TANC2: variants seen among roughly 807,000 people sequenced by gnomAD.
TANC2 encodes tetratricopeptide repeat, ankyrin repeat and coiled-coil containing 2, also known as protein TANC2.
Under a neutral mutation model 210.5 loss-of-function variants are expected in TANC2, and 26 were observed. The ratio of observed to expected loss-of-function variants is 0.12; its 90% confidence interval spans 0.09 to 0.17. The LOEUF is 0.17. TANC2 is among the 10% of genes least tolerant of loss of function. The pLI is 1.00. For synonymous variants in TANC2, 931 were observed against 967.1 expected, an observed-to-expected ratio of 0.96 and a Z score of 0.69; for missense variants, 2,129 against 2,608.9, an observed-to-expected ratio of 0.82 and a Z score of 4.01.
chr17:63,172,700 A>G (rs898883780), intron 5 of TANC2, among the ~76,000 whole-genome samples: 5 of 152,196 alleles, frequency 3.3e-5, no homozygotes, highest in Non-Finnish European at 1.5e-5. Flanking sequence ...GAGTGAAATG[A>G]ACCTAAGAAC....
rs542744552 is a variant in TANC2, at chr17:63,336,207, A to G, written c.1576-3894A>G. Among the ~76,000 whole-genome samples, 40 of 152,380 alleles carry G rather than the reference A, an allele frequency of 2.6e-4. 1 individual carries two copies. Among genetic ancestry groups the G allele is most frequent in the Non-Finnish European group, 1.0e-4 (7 of 68,038 alleles). ...AATCAATCGGGTGGTAGTGAGGAAG[A>G]AGACATTCACAGAAGGAGTAATGAA... On this transcript the variant is annotated intron_variant, in intron 11 of 27. Coordinates refer to ENST00000689528, the Ensembl canonical transcript of TANC2.
In TANC2 at chr17:63,019,568, T is replaced by A. The variant is rs562124417; in HGVS notation, c.67+9942T>A. ...ATAGAGGTATCTCATTGTAGTTTTT[T>A]AAAATAATTTTTATTTATTTGTATA... is the stretch of plus-strand genomic sequence containing the variant. On this transcript the variant is annotated intron_variant, in intron 2 of 27. Coordinates refer to ENST00000689528, the Ensembl canonical transcript of TANC2. Among the ~76,000 whole-genome samples, 3 of 152,278 alleles carry A rather than the reference T, an allele frequency of 2.0e-5. No homozygotes were observed. In the South Asian group the frequency reaches 6.2e-4, roughly 32 times the overall value.
At chr17:63,347,925 T>C (rs2046468002) in intron 12 of TANC2, among the ~76,000 whole-genome samples, 1 of 152,112 alleles carries the variant, frequency 6.6e-6, no homozygotes, top group South Asian at 2.1e-4. Context: ...ACCATCATAC[T>C]TGGCTAATTT....
At chr17:63,422,022 C>T (rs1486552715) in exon 28 of TANC2, 106 of 1,513,234 alleles carry the variant, frequency 7.0e-5, no homozygotes, top group Non-Finnish European at 8.7e-5. Flanking sequence ...TTTCCACATT[C>T]GAGGTAGTTC....
intron 4 of TANC2, among the ~76,000 whole-genome samples, chr17:63,100,065 A>G (rs1377749917): frequency 6.6e-6 from 1 of 152,190 alleles, no homozygotes; most frequent in African/African-American, 2.4e-5. Flanking sequence ...TTCTTCTAGC[A>G]TTATCAATAT....
At chr17:63,144,480 A>G (rs1385074598) in intron 4 of TANC2, among the ~76,000 whole-genome samples, 1 of 152,180 alleles carries the variant, frequency 6.6e-6, no homozygotes, top group African/African-American at 2.4e-5. Context: ...TACATATACT[A>G]TATCTCTAGC....
rs1197428071 is a variant in TANC2 at position 63,107,374 on chromosome 17, C to CAATATTT, written c.322+8018_322+8019insATATTTA. Reference sequence around the variant, plus strand: ...TAGTATTATTTGCAATAATATTAAACACAAATAAAAAAGTTTTATTTGATA... The same window carrying CAATATTT: ...TAGTATTATTTGCAATAATATTAAACAATATTTACAAATAAAAAAGTTTTATTTGATA... On this transcript the variant is annotated intron_variant, in intron 4 of 27. Coordinates refer to ENST00000689528, the Ensembl canonical transcript of TANC2. Among the ~76,000 whole-genome samples, 7 of 151,566 alleles carry CAATATTT rather than the reference C, an allele frequency of 4.6e-5. No individual in the cohort carries two copies. In the East Asian group the frequency reaches 1.4e-3, roughly 29 times the overall value.
At chr17:63,200,153 C>G (rs893195630) in intron 6 of TANC2, among the ~76,000 whole-genome samples, 2 of 151,400 alleles carry the variant, frequency 1.3e-5, no homozygotes, top group Non-Finnish European at 2.9e-5. Flanking sequence ...GTCAGGAGTT[C>G]GAGACCACCC....
rs139326484 is a variant in TANC2, at chr17:63,400,868, G to A, written c.3331+1954G>A. Among the ~76,000 whole-genome samples the A allele has an allele frequency of 3.3e-3, 503 of 151,726 alleles. 3 individuals carry two copies. The highest frequency in any genetic ancestry group is 5.3e-3 in the Non-Finnish European group (361 of 67,908). ...GGGTTTCACCATGTTGGCCAGGCTG[G>A]TCTCAAACCCCTGACCTCAGGTGAT... On this transcript the variant is annotated intron_variant, in intron 19 of 27. Transcript: ENST00000689528.
chr17:63,352,946 A>G (rs2046661239), intron 13 of TANC2, among the ~76,000 whole-genome samples: 1 of 152,170 alleles, frequency 6.6e-6, no homozygotes. Context: ...TTAAACATAT[A>G]CTAAAATTAC....
intron 11 of TANC2, among the ~76,000 whole-genome samples, chr17:63,330,545 T>C (rs1485058016): frequency 6.6e-6 from 1 of 152,248 alleles, no homozygotes; most frequent in African/African-American, 2.4e-5. Context: ...AAAATACAAG[T>C]CATCTTTTTG....
chr17:63,129,653 C>A (rs2038845925), intron 4 of TANC2, among the ~76,000 whole-genome samples: 1 of 152,092 alleles, frequency 6.6e-6, no homozygotes, highest in South Asian at 2.1e-4. Flanking sequence ...TACATGAGAA[C>A]AACTATGAGC....
At chr17:63,379,944 G>A (rs921988133) in intron 15 of TANC2, 118 bp downstream of exon 15, 1 of 802,204 alleles carries the variant, frequency 1.2e-6, no homozygotes, top group South Asian at 1.8e-5. Flanking sequence ...TGCAAACTTG[G>A]TTCATCTCCC....
intron 1 of TANC2, among the ~76,000 whole-genome samples, chr17:62,984,767 T>C (rs1158115404): frequency 6.6e-6 from 1 of 152,206 alleles, no homozygotes; most frequent in Non-Finnish European, 1.5e-5. Flanking sequence ...TTGTATAGTT[T>C]TGAATGTTGC....
In TANC2 at chr17:63,420,124, C is replaced by G; in HGVS notation, c.4394C>G (p.Pro1465Arg). 6.4e-7 allele frequency: 1 copy of G among 1,551,648 alleles called. No individual in the cohort carries two copies. The highest frequency in any genetic ancestry group is 8.7e-7 in the Non-Finnish European group (1 of 1,147,046). The change falls in exon 28 of 28, where the codon CCA (proline) becomes CGA (arginine). Residue 1465 changes from proline (P) to arginine (R), a missense_variant. Transcript: ENST00000689528. The surrounding 1 kb of genome is among the most constrained non-coding windows in gnomAD (Gnocchi z 4.2). ...AGACAGATGCAGCAGCCACAGCAGC[C>G]ACCGCCGCCACCGCAGCCTCAGCAG...
At chr17:63,051,878 C>T (rs2035594584) in intron 2 of TANC2, among the ~76,000 whole-genome samples, 1 of 152,106 alleles carries the variant, frequency 6.6e-6, no homozygotes, top group South Asian at 2.1e-4. Flanking sequence ...GTAGGTTAAG[C>T]TATATGTTCT....
chr17:63,154,460 A>G (rs999132729), intron 5 of TANC2: 1 of 152,154 alleles, frequency 6.6e-6, no homozygotes, highest in African/African-American at 2.4e-5. Context: ...AGTGATTTCA[A>G]TAAAGCAATT....
intron 5 of TANC2, among the ~76,000 whole-genome samples, chr17:63,190,749 G>C (rs190932210): frequency 6.6e-6 from 1 of 151,908 alleles, no homozygotes; most frequent in Non-Finnish European, 1.5e-5. Flanking sequence ...AAAAAAAGAA[G>C]ATTTGATACA....
rs1467002389 is a variant in TANC2 at position 63,420,030 on chromosome 17, G to A, written c.4300G>A (p.Glu1434Lys). The A allele has an allele frequency of 6.4e-6, 10 of 1,550,508 alleles. No homozygotes were observed. Among genetic ancestry groups the A allele is most frequent in the African/African-American group, 5.5e-5 (4 of 72,946 alleles). ...CGCAGCAGCCTTAGAGGACCTGAAC[G>A]AGGCCATCAAGCTGTGTCCCAACAA... is the stretch of plus-strand genomic sequence containing the variant. The change falls in exon 28 of 28, where the codon GAG (glutamate) becomes AAG (lysine). Residue 1434 changes from glutamate to lysine, a missense_variant. Physicochemically the swap from Glu to Lys is moderately conservative, Grantham distance 56 (BLOSUM62 1). Coordinates refer to ENST00000689528, the Ensembl canonical transcript of TANC2. This position sits in a 1 kb window ranked among gnomAD's most constrained non-coding sequence, Gnocchi z 4.2.
Sources: gnomAD v4.1 joint callset for allele counts (sites outside exome capture counted in the v4.1 genomes callset) on GRCh38, gnomAD v4.1.1 for gene constraint, Gnocchi (gnomAD v3.1) non-coding constraint, MANE v1.5 for transcripts, NCBI Gene and HGNC (gene_info 2026-07-23, HGNC 2026-07-21) for gene names.